Variants in EYA2 observed in about 807,000 individuals in gnomAD.
EYA2 encodes the protein protein phosphatase EYA2.
EYA2 carries 31 observed loss-of-function variants against 69.2 expected under a neutral mutation model. The ratio of observed to expected loss-of-function variants is 0.45; its 90% confidence interval spans 0.34 to 0.60. The LOEUF is 0.60. EYA2 is among the 20% of genes least tolerant of loss of function. The pLI, the probability that EYA2 is intolerant of heterozygous loss-of-function variation, is 0.02. For missense variants in EYA2, 622 were observed against 701.2 expected, an observed-to-expected ratio of 0.89 and a Z score of 1.28; for synonymous variants, 257 against 279.4, an observed-to-expected ratio of 0.92 and a Z score of 0.80.
At chr20:47,149,954 C>G (rs1473379793) in intron 10 of EYA2, among the ~76,000 whole-genome samples, 2 of 152,228 alleles carry the variant, frequency 1.3e-5, no homozygotes, top group Non-Finnish European at 2.9e-5. Flanking sequence ...TCTCCCTTGC[C>G]TTAGCAGGCA....
chr20:47,002,629 C>A (rs1180642758), intron 3 of EYA2, among the ~76,000 whole-genome samples: 1 of 152,122 alleles, frequency 6.6e-6, no homozygotes, highest in Non-Finnish European at 1.5e-5. Flanking sequence ...GGGATGATTC[C>A]ATGTCTTGGC....
At chr20:47,165,263 G>A (rs775779822) in intron 10 of EYA2, among the ~76,000 whole-genome samples, 2 of 152,152 alleles carry the variant, frequency 1.3e-5, no homozygotes, top group African/African-American at 2.4e-5. Context: ...GGGAGAGGGG[G>A]TAGATTATAC....
intron 1 of EYA2, among the ~76,000 whole-genome samples, chr20:46,897,591 A>G (rs1983876598): frequency 6.6e-6 from 1 of 152,234 alleles, no homozygotes; most frequent in African/African-American, 2.4e-5. Context: ...TGGAATGCCC[A>G]GTTTGAAACT....
intron 5 of EYA2, among the ~76,000 whole-genome samples, chr20:47,051,313 C>T (rs2030319730): frequency 6.6e-6 from 1 of 152,220 alleles, no homozygotes; most frequent in Admixed American, 6.5e-5. Flanking sequence ...GTATGTGCAC[C>T]ACATACATCT....
intron 1 of EYA2, among the ~76,000 whole-genome samples, chr20:46,899,145 G>A (rs1037684098): frequency 5.3e-5 from 8 of 152,330 alleles, no homozygotes; most frequent in African/African-American, 1.9e-4. Context: ...CACAGGGCCA[G>A]ACTGAGTGAA....
intron 5 of EYA2, among the ~76,000 whole-genome samples, chr20:47,029,050 A>G (rs1417731474): frequency 6.6e-6 from 1 of 152,276 alleles, no homozygotes; most frequent in Non-Finnish European, 1.5e-5. Context: ...GCCAAAGCAC[A>G]TGTACAGATT....
chr20:47,110,770 A>G (rs2032728193), intron 9 of EYA2, among the ~76,000 whole-genome samples: 1 of 152,344 alleles, frequency 6.6e-6, no homozygotes, highest in South Asian at 2.1e-4. Context: ...CACTTGTGTG[A>G]TGGCAAATAC....
At chr20:47,035,879 C>T (rs1984679328) in intron 5 of EYA2, among the ~76,000 whole-genome samples, 2 of 151,714 alleles carry the variant, frequency 1.3e-5, no homozygotes, top group South Asian at 2.1e-4. Flanking sequence ...TGTGTGGTGG[C>T]GTGCACCTGT....
intron 9 of EYA2, among the ~76,000 whole-genome samples, chr20:47,128,616 A>T (rs892135833): frequency 1.3e-5 from 2 of 151,732 alleles, no homozygotes; most frequent in African/African-American, 4.8e-5. Flanking sequence ...TCCCATGAAG[A>T]TATATTTATG....
At chr20:47,037,378 G>T (rs1984780203) in intron 5 of EYA2, among the ~76,000 whole-genome samples, 1 of 152,138 alleles carries the variant, frequency 6.6e-6, no homozygotes, top group South Asian at 2.1e-4. Flanking sequence ...GCAACACTGA[G>T]AATAGACATG....
At chr20:47,117,392 G>A in intron 9 of EYA2, 1 of 985,424 alleles carries the variant, frequency 1.0e-6, no homozygotes, top group Non-Finnish European at 1.2e-6. Context: ...AATTCACCTG[G>A]TGTTGGCTTT....
chr20:47,140,680 G>A (rs761726576), intron 9 of EYA2, among the ~76,000 whole-genome samples: 15 of 152,144 alleles, frequency 9.9e-5, no homozygotes, highest in Non-Finnish European at 2.1e-4. Flanking sequence ...TGAACAAGTT[G>A]CCTAACCTTT....
Position 47,144,413 on chromosome 20 carries a change from AC to A in EYA2, c.978+1266del, listed in dbSNP as rs1023093676. Among the ~76,000 whole-genome samples, 8 of 152,318 alleles carry A rather than the reference AC, an allele frequency of 5.3e-5. No homozygotes were observed. The East Asian group carries it at 5.8e-4, about 11-fold the overall frequency. On this transcript the variant is annotated intron_variant, in intron 10 of 15. Coordinates refer to ENST00000327619, the MANE Select transcript of EYA2 (RefSeq NM_005244.5). ...CTAAAATAAAACTGTATACAAAAAA[AC>A]AATTCTATTTCTCTTAGTAGGAATA...
At chr20:46,960,537 T>C (rs1167876760) in intron 1 of EYA2, among the ~76,000 whole-genome samples, 1 of 152,192 alleles carries the variant, frequency 6.6e-6, no homozygotes, top group Non-Finnish European at 1.5e-5. Context: ...TTCTATGACT[T>C]GCCCAAGGTC....
At chr20:46,927,480 T>C (rs745784211) in intron 1 of EYA2, among the ~76,000 whole-genome samples, 1 of 152,190 alleles carries the variant, frequency 6.6e-6, no homozygotes, top group Non-Finnish European at 1.5e-5. Context: ...AGAGGTTTAA[T>C]GGACTCACAG....
chr20:47,034,190 A>G (rs1267668264), intron 5 of EYA2, among the ~76,000 whole-genome samples: 2 of 152,156 alleles, frequency 1.3e-5, no homozygotes, highest in Admixed American at 6.5e-5. Context: ...TTCCCTATGT[A>G]TTTTTTGTGT....
chr20:46,923,853 A>G (rs995990348), intron 1 of EYA2, among the ~76,000 whole-genome samples: 6 of 152,250 alleles, frequency 3.9e-5, no homozygotes, highest in African/African-American at 1.2e-4. Context: ...TTACTAAAAC[A>G]GTATTTCTCA....
At chr20:47,164,669 G>C (rs3092447) in intron 10 of EYA2, among the ~76,000 whole-genome samples, 2 of 152,132 alleles carry the variant, frequency 1.3e-5, no homozygotes, top group African/African-American at 4.8e-5. Flanking sequence ...ACATGCCTAG[G>C]GGGGTCAAGG....
At chr20:46,950,200 TAAA>T (rs2146273723) in intron 1 of EYA2, among the ~76,000 whole-genome samples, 1 of 152,292 alleles carries the variant, frequency 6.6e-6, no homozygotes, top group South Asian at 2.1e-4. Flanking sequence ...TTGAGTGATA[TAAA>T]AAATAATCAC....
Sources: gnomAD v4.1 joint callset for allele counts (sites outside exome capture counted in the v4.1 genomes callset) on GRCh38, gnomAD v4.1.1 for gene constraint, MANE v1.5 for transcripts, NCBI Gene and HGNC (gene_info 2026-07-23, HGNC 2026-07-21) for gene names.